ADAMTS3: variants seen among roughly 807,000 people sequenced by gnomAD.
ADAMTS3 encodes ADAM metallopeptidase with thrombospondin type 1 motif 3.
Under a neutral mutation model 129.0 loss-of-function variants are expected in ADAMTS3, and 73 were observed. The ratio of observed to expected loss-of-function variants is 0.57; its 90% CI spans 0.47 to 0.69. The LOEUF (loss-of-function observed/expected upper bound fraction) is 0.69. Ranked by LOEUF, ADAMTS3 falls within the 30% of genes least tolerant of loss-of-function variation. ADAMTS3 has a pLI of 0.00. For synonymous variants in ADAMTS3, 477 were observed against 510.8 expected, an observed-to-expected ratio of 0.93 and a Z score of 0.89; for missense variants, 1,457 against 1,514.5, an observed-to-expected ratio of 0.96 and a Z score of 0.63.
intron 4 of ADAMTS3, among the ~76,000 whole-genome samples, chr4:72,374,633 C>T (rs1446201285): frequency 6.6e-6 from 1 of 152,002 alleles, no homozygotes; most frequent in African/African-American, 2.4e-5. Flanking sequence ...CTGTTTCTTC[C>T]ATCCTGTCCA....
chr4:72,305,513 T>A (rs1048947574), intron 16 of ADAMTS3, among the ~76,000 whole-genome samples: 4 of 152,072 alleles, frequency 2.6e-5, no homozygotes, highest in Non-Finnish European at 2.9e-5. Flanking sequence ...ATTTTCTTAT[T>A]CCTTAGAGCA....
chr4:72,525,882 G>C (rs1024034896), intron 3 of ADAMTS3, among the ~76,000 whole-genome samples: 2 of 152,114 alleles, frequency 1.3e-5, no homozygotes, highest in South Asian at 2.1e-4. Context: ...CTGAACTGGC[G>C]GGGGAGAGAG....
At position 72,339,612 on chromosome 4, in the gene ADAMTS3, C is replaced by T. The variant is rs372028526; in HGVS notation, c.743G>A (p.Arg248His). Residue 248 changes from arginine to histidine, a missense_variant, in exon 5 of 22, where the codon CGC (arginine) becomes CAC (histidine). By Grantham distance (29) the Arg-to-His change is conservative. Coordinates refer to ENST00000286657, the MANE Select transcript of ADAMTS3 (RefSeq NM_014243.3). Reference protein sequence around the residue: ...HQQLNETMRRRRHAGENDYNI... With the variant: ...HQQLNETMRRHRHAGENDYNI... ...GTAATCGTTTTCTCCCGCGTGTCTG[C>T]GGCGTCTCATTGTTTCATTCAGCTG... The T allele has an allele frequency of 7.2e-5, 117 of 1,613,814 alleles. No individual in the cohort carries two copies. Among genetic ancestry groups the T allele is most frequent in the Non-Finnish European group, 8.6e-5 (101 of 1,179,884 alleles).
rs567276229 is a variant in ADAMTS3, at chr4:72,480,591, T to C, written c.505-65620A>G. On this transcript the variant is annotated intron_variant, in intron 3 of 21. Transcript: ENST00000286657. Reference sequence around the variant, plus strand: ...GGATAGCATTAGGAGATATACCTAATGCTAAATGACGAGTTAATGGGTGCA... The same window carrying C: ...GGATAGCATTAGGAGATATACCTAACGCTAAATGACGAGTTAATGGGTGCA... Among the ~76,000 whole-genome samples, 1,321 of 152,034 alleles carry C rather than the reference T, an allele frequency of 8.7e-3. 9 individuals carry two copies. The highest frequency in any genetic ancestry group is 0.03 in the African/African-American group (1,256 of 41,472).
chr4:72,562,293 TAC>T (rs941137149), intron 2 of ADAMTS3, among the ~76,000 whole-genome samples: 41 of 152,316 alleles, frequency 2.7e-4, no homozygotes, highest in Middle Eastern at 6.8e-3. Flanking sequence ...GTTCAGATCA[TAC>T]AGACTTGTTC....
chr4:72,521,756 A>G (rs899300198), intron 3 of ADAMTS3, among the ~76,000 whole-genome samples: 5 of 150,426 alleles, frequency 3.3e-5, no homozygotes, highest in African/African-American at 1.3e-4. Flanking sequence ...GAAGTTAATC[A>G]TATCTCTTAA....
chr4:72,474,573 T>TA (rs934056280), intron 3 of ADAMTS3, among the ~76,000 whole-genome samples: 19 of 149,212 alleles, frequency 1.3e-4, no homozygotes, highest in East Asian at 7.8e-4. Context: ...ACAATATACT[T>TA]AAAAAAAAAA....
At chr4:72,365,749 A>G (rs1216140729) in intron 4 of ADAMTS3, among the ~76,000 whole-genome samples, 1 of 152,244 alleles carries the variant, frequency 6.6e-6, no homozygotes, top group African/African-American at 2.4e-5. Context: ...TCAAGAACTG[A>G]ACCAATATCT....
intron 3 of ADAMTS3, among the ~76,000 whole-genome samples, chr4:72,530,653 T>TA (rs1491144402): frequency 6.9e-5 from 5 of 72,550 alleles, no homozygotes; most frequent in East Asian, 4.7e-4. Context: ...TATATAATAT[T>TA]ATATATATTA....
At chr4:72,288,287 T>C (rs945949804) in intron 21 of ADAMTS3, among the ~76,000 whole-genome samples, 2 of 152,232 alleles carry the variant, frequency 1.3e-5, no homozygotes, top group Non-Finnish European at 1.5e-5. Context: ...AGGTGTCTGT[T>C]TGAAGTTACT....
intron 4 of ADAMTS3, among the ~76,000 whole-genome samples, chr4:72,386,108 G>C (rs1208716946): frequency 1.3e-5 from 2 of 151,944 alleles, no homozygotes; most frequent in Non-Finnish European, 2.9e-5. Flanking sequence ...AAGCCAATAA[G>C]TTTTCATACT....
rs768903779 is a variant in ADAMTS3 at position 72,283,678 on chromosome 4, T to G, written c.3076A>C (p.Ile1026Leu). The G allele has an allele frequency of 1.3e-6, 2 of 1,595,220 alleles. No homozygotes were observed. The highest frequency in any genetic ancestry group is 4.5e-5 in the East Asian group (2 of 44,366). Residue 1026 changes from isoleucine to leucine, a missense_variant, in exon 22 of 22, where the codon ATA (isoleucine) becomes CTA (leucine). Ile to Leu is a conservative substitution (Grantham distance 5). Coordinates refer to ENST00000286657, the MANE Select transcript of ADAMTS3 (RefSeq NM_014243.3). ...NDEPCLGDKS[I>L]FCQMEVLARY... ...GCCAACACTTCCATTTGACAGAATA[T>G]GGACTTGTCTCCCAAACATGGTTCA...
chr4:72,327,935 GAAGA>G (rs1168416092), intron 5 of ADAMTS3, among the ~76,000 whole-genome samples: 6 of 152,036 alleles, frequency 3.9e-5, no homozygotes, highest in Non-Finnish European at 8.8e-5. Flanking sequence ...AAAATATTGA[GAAGA>G]AATAAAGAGG....
intron 3 of ADAMTS3, among the ~76,000 whole-genome samples, chr4:72,532,496 C>T (rs370154293): frequency 0.053 from 4,125 of 78,188 alleles, 83 homozygotes; most frequent in Non-Finnish European, 0.074. Context: ...AATATGCACA[C>T]ACACACACAC....
At chr4:72,515,781 T>C (rs1232060792) in intron 3 of ADAMTS3, among the ~76,000 whole-genome samples, 4 of 151,826 alleles carry the variant, frequency 2.6e-5, no homozygotes, top group Admixed American at 2.0e-4. Flanking sequence ...TCCCATTTTG[T>C]AGGTTGCCTG....
chr4:72,435,857 A>C (rs894630158), intron 3 of ADAMTS3, among the ~76,000 whole-genome samples: 2 of 152,088 alleles, frequency 1.3e-5, no homozygotes, highest in African/African-American at 4.8e-5. Flanking sequence ...TTAATTCGAA[A>C]TAGATTAGAG....
chr4:72,559,231 C>G (rs1394324595), intron 2 of ADAMTS3, among the ~76,000 whole-genome samples: 1 of 151,624 alleles, frequency 6.6e-6, no homozygotes, highest in Non-Finnish European at 1.5e-5. Context: ...TCACTAGCAT[C>G]CAAAGGAGTC....
At chr4:72,419,369 A>C (rs1722386749) in intron 3 of ADAMTS3, among the ~76,000 whole-genome samples, 2 of 152,144 alleles carry the variant, frequency 1.3e-5, no homozygotes, top group African/African-American at 4.8e-5. Context: ...AAATTACATG[A>C]ATGAGTGAAT....
intron 3 of ADAMTS3, among the ~76,000 whole-genome samples, chr4:72,490,950 A>C (rs999260032): frequency 5.3e-5 from 8 of 151,862 alleles, no homozygotes; most frequent in African/African-American, 1.9e-4. Context: ...TAATTCTTCC[A>C]ATGAATGAAC....
Sources: gnomAD v4.1 joint callset for allele counts (sites outside exome capture counted in the v4.1 genomes callset) on GRCh38, gnomAD v4.1.1 for gene constraint, MANE v1.5 for transcripts, NCBI Gene and HGNC (gene_info 2026-07-23, HGNC 2026-07-21) for gene names.